Variants in CSRNP3 observed in about 807,000 individuals in gnomAD.
The protein encoded by CSRNP3 is cysteine/serine-rich nuclear protein 3.
A neutral mutation model predicts 48.0 loss-of-function variants in CSRNP3; 12 were observed. The ratio of observed to expected loss-of-function variants is 0.25; its 90% CI spans 0.16 to 0.41. CSRNP3 has a LOEUF of 0.41. CSRNP3 is among the 10% of genes least tolerant of loss of function. CSRNP3 has a pLI of 1.00. For synonymous variants in CSRNP3, 263 were observed against 269.7 expected (o/e 0.98, Z 0.24); for missense variants, 580 against 724.4 (o/e 0.80, Z 2.29).
intron 3 of CSRNP3, among the ~76,000 whole-genome samples, chr2:165,558,340 G>T (rs1053148024): frequency 3.9e-5 from 6 of 152,146 alleles, no homozygotes; most frequent in African/African-American, 1.4e-4. Context: ...GAATTTAAAT[G>T]TATAATTGCT....
At chr2:165,545,913 G>C (rs1685019049) in intron 3 of CSRNP3, among the ~76,000 whole-genome samples, 1 of 151,968 alleles carries the variant, frequency 6.6e-6, no homozygotes, top group Admixed American at 6.6e-5. Context: ...ATTTACCTCA[G>C]GTAATTTGCT....
intron 4 of CSRNP3, among the ~76,000 whole-genome samples, chr2:165,626,450 G>A (rs928378843): frequency 5.9e-5 from 9 of 152,170 alleles, no homozygotes; most frequent in South Asian, 2.1e-4. Flanking sequence ...AATCCTTACC[G>A]TGTATATGGA....
chr2:165,667,133 AAG>A (rs757565652), intron 5 of CSRNP3, among the ~76,000 whole-genome samples: 1 of 136,096 alleles, frequency 7.3e-6, no homozygotes, highest in Non-Finnish European at 1.7e-5. Context: ...GAAAGAAAGA[AAG>A]AGAGAGAGAA....
intron 1 of CSRNP3, among the ~76,000 whole-genome samples, chr2:165,490,176 C>A (rs28888401): frequency 0.24 from 34,929 of 146,148 alleles, 3,873 homozygotes; most frequent in East Asian, 0.36. Context: ...AGAGCCAAAT[C>A]ATGAGTGAAC....
intron 3 of CSRNP3, among the ~76,000 whole-genome samples, chr2:165,578,512 G>C (rs563040185): frequency 3.3e-5 from 5 of 152,164 alleles, no homozygotes; most frequent in East Asian, 1.9e-4. Context: ...CTAAAGGACT[G>C]TTGGTTCCAT....
At chr2:165,485,592 G>A (rs1684101345) in intron 1 of CSRNP3, among the ~76,000 whole-genome samples, 1 of 152,202 alleles carries the variant, frequency 6.6e-6, no homozygotes, top group African/African-American at 2.4e-5. Context: ...CCCAGAGCCA[G>A]AGTCCTATAG....
intron 3 of CSRNP3, among the ~76,000 whole-genome samples, chr2:165,531,807 G>A (rs866778504): frequency 2.0e-5 from 3 of 151,900 alleles, no homozygotes; most frequent in South Asian, 2.1e-4. Context: ...TTGATACACC[G>A]CTAGCAAGAC....
chr2:165,496,484 T>G (rs952993989), intron 2 of CSRNP3, among the ~76,000 whole-genome samples: 2 of 151,992 alleles, frequency 1.3e-5, no homozygotes, highest in African/African-American at 4.8e-5. Context: ...GAATGAATTA[T>G]TTTCTGACAA....
intron 3 of CSRNP3, among the ~76,000 whole-genome samples, chr2:165,582,020 A>G (rs1394580782): frequency 6.6e-6 from 1 of 152,210 alleles, no homozygotes; most frequent in Non-Finnish European, 1.5e-5. Context: ...TTTGAGAAAA[A>G]CATTGGGTTG....
At chr2:165,501,302 A>G (rs921567322) in intron 2 of CSRNP3, among the ~76,000 whole-genome samples, 7 of 152,316 alleles carry the variant, frequency 4.6e-5, no homozygotes, top group Non-Finnish European at 8.8e-5. Flanking sequence ...ATTAATAAGA[A>G]AAGTTATGTG....
intron 4 of CSRNP3, among the ~76,000 whole-genome samples, chr2:165,631,120 G>T (rs780220600): frequency 2.6e-5 from 4 of 152,174 alleles, no homozygotes; most frequent in Non-Finnish European, 4.4e-5. Flanking sequence ...GTATATTAGA[G>T]GGTTTTAAAT....
chr2:165,601,393 G>A (rs1685912086), intron 4 of CSRNP3, among the ~76,000 whole-genome samples: 1 of 152,156 alleles, frequency 6.6e-6, no homozygotes, highest in African/African-American at 2.4e-5. Context: ...TAGTATTTAA[G>A]AAGTGAAAAT....
At chr2:165,623,506 TG>T (rs763812177) in intron 4 of CSRNP3, among the ~76,000 whole-genome samples, 6 of 152,190 alleles carry the variant, frequency 3.9e-5, no homozygotes, top group Admixed American at 6.5e-5. Flanking sequence ...CCAAAAAGGT[TG>T]GGGACCACTG....
At chr2:165,609,352 G>A (rs1286186813) in intron 4 of CSRNP3, among the ~76,000 whole-genome samples, 1 of 140,436 alleles carries the variant, frequency 7.1e-6, no homozygotes, top group East Asian at 2.3e-4. Context: ...CCAGCTACTC[G>A]GGAGGCTGAG....
chr2:165,607,376 G>A (rs143357017), intron 4 of CSRNP3, among the ~76,000 whole-genome samples: 14 of 152,220 alleles, frequency 9.2e-5, no homozygotes, highest in Non-Finnish European at 1.8e-4. Flanking sequence ...AGCATTCATC[G>A]TGTTCACAGT....
At chr2:165,623,277 G>A (rs1462960658) in intron 4 of CSRNP3, among the ~76,000 whole-genome samples, 2 of 152,040 alleles carry the variant, frequency 1.3e-5, no homozygotes, top group Non-Finnish European at 2.9e-5. Flanking sequence ...AGAGGCAGGC[G>A]AGCAAGCATA....
At chr2:165,595,691 C>T (rs1306183695) in intron 4 of CSRNP3, among the ~76,000 whole-genome samples, 2 of 152,148 alleles carry the variant, frequency 1.3e-5, no homozygotes, top group Non-Finnish European at 2.9e-5. Flanking sequence ...CCCAATTGTG[C>T]AAGTGTGTAC....
chr2:165,614,995 A>G (rs1686213399), intron 4 of CSRNP3, among the ~76,000 whole-genome samples: 1 of 152,156 alleles, frequency 6.6e-6, no homozygotes, highest in Non-Finnish European at 1.5e-5. Flanking sequence ...TCTATCCTGG[A>G]GAATATTCCA....
chr2:165,601,235 C>T, intron 4 of CSRNP3, among the ~76,000 whole-genome samples: 1 of 152,136 alleles, frequency 6.6e-6, no homozygotes, highest in South Asian at 2.1e-4. Flanking sequence ...AGGAGAGCTA[C>T]AGAGAAACTA....
Sources: allele counts gnomAD v4.1 joint callset (sites outside exome capture counted in the v4.1 genomes callset), GRCh38; gene constraint gnomAD v4.1.1; transcripts MANE v1.5; gene names NCBI Gene and HGNC (gene_info 2026-07-23, HGNC 2026-07-21).